Variants in PDGFC observed in about 807,000 individuals in gnomAD.
The protein encoded by PDGFC is platelet-derived growth factor C.
PDGFC carries 12 observed loss-of-function variants against 35.5 expected under a neutral mutation model. The observed-to-expected ratio is 0.34, with a 90% CI of 0.22 to 0.55. The LOEUF (loss-of-function observed/expected upper bound fraction) is 0.55, where lower values mean the gene tolerates loss of function less well. PDGFC is among the 20% of genes least tolerant of loss of function. The pLI, the probability that PDGFC is intolerant of heterozygous loss-of-function variation, is 0.91. For synonymous variants in PDGFC, 159 were observed against 148.8 expected (o/e 1.07, Z -0.50); for missense variants, 322 against 412.4 (o/e 0.78, Z 1.90).
At chr4:156,842,768 T>C (rs1184793927) in intron 2 of PDGFC, among the ~76,000 whole-genome samples, 1 of 152,192 alleles carries the variant, frequency 6.6e-6, no homozygotes, top group African/African-American at 2.4e-5. Flanking sequence ...CTAACACTAT[T>C]TGTAGTTCTC....
At chr4:156,854,843 C>A (rs1313862104) in intron 1 of PDGFC, among the ~76,000 whole-genome samples, 2 of 152,032 alleles carry the variant, frequency 1.3e-5, no homozygotes, top group African/African-American at 2.4e-5. Context: ...AGTCAAATCA[C>A]TAAAATATTT....
At chr4:156,924,570 T>C (rs1302429937) in intron 1 of PDGFC, among the ~76,000 whole-genome samples, 1 of 152,136 alleles carries the variant, frequency 6.6e-6, no homozygotes, top group African/African-American at 2.4e-5. Flanking sequence ...CCCCCAGAAG[T>C]AGATCTTGCA....
chr4:156,835,432 T>C (rs558498264), intron 2 of PDGFC, among the ~76,000 whole-genome samples: 2 of 152,320 alleles, frequency 1.3e-5, no homozygotes, highest in East Asian at 3.9e-4. Flanking sequence ...TTTAAACTTT[T>C]ATATTTTAAA....
At chr4:156,806,570 C>A (rs1401933957) in intron 3 of PDGFC, among the ~76,000 whole-genome samples, 1 of 151,698 alleles carries the variant, frequency 6.6e-6, no homozygotes, top group Non-Finnish European at 1.5e-5. Context: ...GCACTGTACT[C>A]AAGAAGAATA....
At chr4:156,967,881 T>G (rs1560895310) in intron 1 of PDGFC, 1 of 152,230 alleles carries the variant, frequency 6.6e-6, no homozygotes. Flanking sequence ...ACTCTTGTTT[T>G]CATAAGTGAG....
intron 2 of PDGFC, among the ~76,000 whole-genome samples, chr4:156,834,744 A>G (rs561959113): frequency 1.3e-5 from 2 of 152,276 alleles, no homozygotes; most frequent in East Asian, 3.9e-4. Context: ...GCTAAGAGGA[A>G]TAACTGTTTT....
chr4:156,918,508 C>T (rs1486141903), intron 1 of PDGFC, among the ~76,000 whole-genome samples: 1 of 152,184 alleles, frequency 6.6e-6, no homozygotes, highest in African/African-American at 2.4e-5. Flanking sequence ...GGAACTGGGC[C>T]ACACAGCAGG....
intron 1 of PDGFC, among the ~76,000 whole-genome samples, chr4:156,920,067 C>T (rs949195310): frequency 7.2e-5 from 11 of 152,140 alleles, no homozygotes; most frequent in African/African-American, 2.4e-4. Context: ...ATGCCTGCTC[C>T]CCCTTCTCCT....
At chr4:156,929,986 C>T (rs1359243477) in intron 1 of PDGFC, among the ~76,000 whole-genome samples, 4 of 152,036 alleles carry the variant, frequency 2.6e-5, no homozygotes, top group Non-Finnish European at 4.4e-5. Flanking sequence ...GTTACAACAC[C>T]AAATGGGTTG....
chr4:156,902,045 T>C (rs1449261650), intron 1 of PDGFC, among the ~76,000 whole-genome samples: 3 of 152,144 alleles, frequency 2.0e-5, no homozygotes. Context: ...CTGAATGATT[T>C]TGGAGTCCTC....
chr4:156,816,930 A>C (rs1732103682), intron 2 of PDGFC, among the ~76,000 whole-genome samples: 1 of 152,176 alleles, frequency 6.6e-6, no homozygotes, highest in Non-Finnish European at 1.5e-5. Context: ...ATAGAGATTT[A>C]TTTTAATTAA....
At chr4:156,799,342 C>T (rs1731533715) in intron 3 of PDGFC, among the ~76,000 whole-genome samples, 1 of 152,142 alleles carries the variant, frequency 6.6e-6, no homozygotes, top group South Asian at 2.1e-4. Context: ...TGGAAATTCC[C>T]CCCTCAGTTT....
intron 3 of PDGFC, among the ~76,000 whole-genome samples, chr4:156,787,228 C>T (rs1731152540): frequency 6.6e-6 from 1 of 151,924 alleles, no homozygotes; most frequent in Non-Finnish European, 1.5e-5. Flanking sequence ...GTGAAGAGGA[C>T]TGAGGAGTGG....
At chr4:156,839,022 G>A (rs931111014) in intron 2 of PDGFC, among the ~76,000 whole-genome samples, 2 of 152,214 alleles carry the variant, frequency 1.3e-5, no homozygotes, top group African/African-American at 2.4e-5. Flanking sequence ...AGAAACAGAT[G>A]GTGAGGATGT....
At chr4:156,769,945 T>G (rs1371748862) in intron 4 of PDGFC, among the ~76,000 whole-genome samples, 1 of 152,034 alleles carries the variant, frequency 6.6e-6, no homozygotes, top group Non-Finnish European at 1.5e-5. Flanking sequence ...TTATACTTCT[T>G]TAGAATGTGA....
chr4:156,928,107 GA>G (rs1731459833), intron 1 of PDGFC, among the ~76,000 whole-genome samples: 1 of 152,092 alleles, frequency 6.6e-6, no homozygotes, highest in Admixed American at 6.5e-5. Flanking sequence ...CAGTATGGGG[GA>G]AACCGCCCCC....
At position 156,890,852 on chromosome 4, in the gene PDGFC, A is replaced by G. The variant is rs993246468; in HGVS notation, c.119-40436T>C. On this transcript the variant is annotated intron_variant, in intron 1 of 5. Coordinates refer to ENST00000502773, the MANE Select transcript of PDGFC (RefSeq NM_016205.3). ...TAAAAAGGTAACATTCCCTAAGAGT[A>G]TTATTTCAAAGTTTAAATTTTTCTG... Among the ~76,000 whole-genome samples the G allele has an allele frequency of 2.6e-5, 4 of 152,312 alleles. No homozygotes were observed. In the East Asian group the frequency reaches 5.8e-4, roughly 22 times the overall value.
At chr4:156,932,304 G>A (rs1197335219) in intron 1 of PDGFC, among the ~76,000 whole-genome samples, 1 of 152,132 alleles carries the variant, frequency 6.6e-6, no homozygotes, top group Non-Finnish European at 1.5e-5. Flanking sequence ...TGTTCAAAGA[G>A]TGAAGTAAGG....
intron 1 of PDGFC, among the ~76,000 whole-genome samples, chr4:156,941,716 C>T (rs147755415): frequency 1.1e-3 from 162 of 152,092 alleles, no homozygotes; most frequent in Admixed American, 3.7e-3. Flanking sequence ...TATATGAATA[C>T]GTGAGACTTC....
Sources: gnomAD v4.1 joint callset for allele counts (sites outside exome capture counted in the v4.1 genomes callset) on GRCh38, gnomAD v4.1.1 for gene constraint, MANE v1.5 for transcripts, NCBI Gene and HGNC (gene_info 2026-07-23, HGNC 2026-07-21) for gene names.